Variants in GRAMD1B observed in about 807,000 individuals in gnomAD.
GRAMD1B encodes GRAM domain containing 1B.
A neutral mutation model predicts 99.7 loss-of-function variants in GRAMD1B; 37 were observed. The ratio of observed to expected loss-of-function variants is 0.37; its 90% CI spans 0.29 to 0.49. GRAMD1B has a LOEUF of 0.49. GRAMD1B is among the 20% of genes least tolerant of loss of function. GRAMD1B has a pLI of 0.98. For missense variants in GRAMD1B, 888 were observed against 1,009.2 expected (o/e 0.88, Z 1.63); for synonymous variants, 427 against 387.6 (o/e 1.10, Z -1.19).
At chr11:123,418,785 C>T (rs1314877186) in intron 1 of GRAMD1B, among the ~76,000 whole-genome samples, 1 of 152,178 alleles carries the variant, frequency 6.6e-6, no homozygotes, top group African/African-American at 2.4e-5. Flanking sequence ...GAAATAATTG[C>T]ACTAGGTGCC....
At chr11:123,525,718 T>C (rs537490620) in intron 2 of GRAMD1B, 1 of 198,888 alleles carries the variant, frequency 5.0e-6, no homozygotes, top group South Asian at 1.0e-4. Context: ...TCCCAGGGTC[T>C]CCTTGGCTTC....
chr11:123,425,791 T>C (rs1349528209), upstream of GRAMD1B, among the ~76,000 whole-genome samples: 1 of 152,214 alleles, frequency 6.6e-6, no homozygotes, highest in Non-Finnish European at 1.5e-5. Flanking sequence ...AGCCTCCTCC[T>C]CCACACTGCT....
At chr11:123,389,413 G>A (rs1947195653) in intron 1 of GRAMD1B, among the ~76,000 whole-genome samples, 3 of 151,640 alleles carry the variant, frequency 2.0e-5, no homozygotes, top group Admixed American at 2.0e-4. Context: ...AACTGAGGCA[G>A]CTTCTGTAAG....
rs561419819 is a variant in GRAMD1B at position 123,597,433 on chromosome 11, G to T, written c.969+1396G>T. 1.8e-4 allele frequency among the ~76,000 whole-genome samples: 28 copies of T among 152,098 alleles called. 1 individual carries two copies. The South Asian group carries it at 4.8e-3, about 26-fold the overall frequency. Reference sequence around the variant, plus strand: ...TGGAACTATAAAGGCAAACCTTGGTGCCACACTTAGTCCTTAGTAGCAGCC... The same window carrying T: ...TGGAACTATAAAGGCAAACCTTGGTTCCACACTTAGTCCTTAGTAGCAGCC... On this transcript the variant is annotated intron_variant, in intron 7 of 19. Coordinates refer to ENST00000635736, the MANE Select transcript of GRAMD1B (RefSeq NM_001387025.1).
chr11:123,609,478 C>A (rs968289166), intron 12 of GRAMD1B, among the ~76,000 whole-genome samples: 3 of 152,188 alleles, frequency 2.0e-5, no homozygotes, highest in Admixed American at 1.3e-4. Context: ...TCCCAAGGGA[C>A]CCTAGGCCCT....
intron 2 of GRAMD1B, among the ~76,000 whole-genome samples, chr11:123,548,035 G>A (rs949301547): frequency 6.6e-6 from 1 of 151,902 alleles, no homozygotes; most frequent in African/African-American, 2.4e-5. Flanking sequence ...TCTGGGGTGG[G>A]TGCACAGCTG....
chr11:123,524,036 G>T (rs1413370105), intron 2 of GRAMD1B, among the ~76,000 whole-genome samples: 2 of 152,248 alleles, frequency 1.3e-5, no homozygotes, highest in East Asian at 3.9e-4. Context: ...GTGGAATCAG[G>T]TCACAAAAGG....
At chr11:123,512,722 T>TTC (rs1385117460) in intron 2 of GRAMD1B, among the ~76,000 whole-genome samples, 7 of 150,486 alleles carry the variant, frequency 4.7e-5, no homozygotes, top group African/African-American at 1.7e-4. Context: ...TTTTTTTTTT[T>TTC]TTTTAACCTT....
Position 123,441,376 on chromosome 11 carries a change from G to A in GRAMD1B, c.374+10210G>A, listed in dbSNP as rs755515794. On this transcript the variant is annotated intron_variant, in intron 1 of 19. Coordinates refer to ENST00000635736, the MANE Select transcript of GRAMD1B (RefSeq NM_001387025.1). ...ATGCAGGCCGGGTGTGGTGGTTCAC[G>A]CCTATAATCCTAGCACTTTGGGAGG... Among the ~76,000 whole-genome samples the A allele has an allele frequency of 5.3e-5, 8 of 152,214 alleles. No homozygotes were observed. In the South Asian group the frequency reaches 1.2e-3, roughly 24 times the overall value.
rs932722443 is a variant in GRAMD1B, at chr11:123,559,642, A to AG, written c.453-17723dup. ...CAGAGAAAAAAAAAACACTTCTAAG[A>AG]GGTGCAGCTTAGAATTAGAAGACCC... On this transcript the variant is annotated intron_variant, in intron 2 of 19. Transcript: ENST00000635736. 77 of 980,990 alleles carry AG rather than the reference A, an allele frequency of 7.8e-5. No individual in the cohort carries two copies. The African/African-American group carries it at 1.2e-3, about 16-fold the overall frequency. The allele number at this position is 980,990 out of a possible 1,614,324, so 60.8% of individuals were successfully genotyped here.
At chr11:123,418,989 A>G (rs1303703735) in intron 1 of GRAMD1B, among the ~76,000 whole-genome samples, 2 of 152,218 alleles carry the variant, frequency 1.3e-5, no homozygotes, top group Non-Finnish European at 2.9e-5. Flanking sequence ...AGGAACATGC[A>G]CATCACTAAT....
intron 2 of GRAMD1B, among the ~76,000 whole-genome samples, chr11:123,535,804 T>C (rs1020297800): frequency 3.9e-5 from 6 of 152,206 alleles, no homozygotes; most frequent in African/African-American, 1.4e-4. Context: ...GCCTTTTTTT[T>C]TCTCTTTTAA....
chr11:123,596,153 G>A (rs973952690), intron 7 of GRAMD1B, 116 bp downstream of exon 7: 10 of 610,780 alleles, frequency 1.6e-5, no homozygotes, highest in Non-Finnish European at 2.3e-5. Flanking sequence ...GATGAGAGGC[G>A]CTAAGGGCGA....
chr11:123,557,608 A>AT (rs1357977677), intron 2 of GRAMD1B, among the ~76,000 whole-genome samples: 3 of 152,234 alleles, frequency 2.0e-5, no homozygotes, highest in African/African-American at 7.2e-5. Flanking sequence ...AGCAGGTTGC[A>AT]TGTATTTACA....
At chr11:123,560,282 T>G (rs1170081894) in intron 2 of GRAMD1B, 2 of 1,134,728 alleles carry the variant, frequency 1.8e-6, no homozygotes, top group Non-Finnish European at 2.2e-6. Flanking sequence ...CAGCTGTCTG[T>G]GAGGGAGTCA....
At chr11:123,574,580 A>C (rs1178154570) in intron 2 of GRAMD1B, among the ~76,000 whole-genome samples, 1 of 152,130 alleles carries the variant, frequency 6.6e-6, no homozygotes, top group Non-Finnish European at 1.5e-5. Context: ...TTTTTAGTGG[A>C]GTGAGATGGA....
chr11:123,608,432 G>A lies in GRAMD1B; in HGVS notation c.1514-227G>A, dbSNP rs533643224. ...CCAAACACTTTGTAAAGAAGGAATGGGTAGTGTCAGCTAAAGGAAATGGTG... is the reference window on the plus strand; with the variant it reads ...CCAAACACTTTGTAAAGAAGGAATGAGTAGTGTCAGCTAAAGGAAATGGTG... On this transcript the variant is annotated intron_variant, in intron 11 of 19. Coordinates refer to ENST00000635736, the MANE Select transcript of GRAMD1B (RefSeq NM_001387025.1). 8.2e-6 allele frequency: 11 copies of A among 1,348,512 alleles called. No individual in the cohort carries two copies. The East Asian group carries it at 2.8e-4, about 34-fold the overall frequency. 83.5% of individuals were successfully genotyped at this position (1,348,512 alleles called of 1,614,324 possible).
chr11:123,578,384 T>C (rs1334288094), intron 3 of GRAMD1B: 2 of 1,519,656 alleles, frequency 1.3e-6, no homozygotes, highest in South Asian at 1.2e-5. Context: ...ATTTCCCAAA[T>C]ACCTTCTTTG....
intron 10 of GRAMD1B, among the ~76,000 whole-genome samples, chr11:123,606,067 C>G (rs1010624601): frequency 1.3e-5 from 2 of 152,156 alleles, no homozygotes; most frequent in African/African-American, 4.8e-5. Flanking sequence ...GGAAAGGACT[C>G]CCTCAAAGAG....
Sources: allele counts gnomAD v4.1 joint callset (sites outside exome capture counted in the v4.1 genomes callset), GRCh38; gene constraint gnomAD v4.1.1; transcripts MANE v1.5; gene names NCBI Gene and HGNC (gene_info 2026-07-23, HGNC 2026-07-21).